Variants in TENM4 observed in about 807,000 individuals in gnomAD.
TENM4 encodes the protein teneurin-4.
Under a neutral mutation model 243.3 loss-of-function variants are expected in TENM4, and 82 were observed. The observed-to-expected ratio is 0.34, with a 90% CI of 0.28 to 0.40. The LOEUF (loss-of-function observed/expected upper bound fraction) is 0.40. Ranked by LOEUF, TENM4 falls within the 10% of genes least tolerant of loss-of-function variation. The pLI is 1.00. For synonymous variants in TENM4, 1,412 were observed against 1,456.3 expected (o/e 0.97, Z 0.69); for missense variants, 3,138 against 3,673.3 (o/e 0.85, Z 3.77).
chr11:79,224,856 C>T (rs1864232242), intron 2 of TENM4, among the ~76,000 whole-genome samples: 1 of 151,914 alleles, frequency 6.6e-6, no homozygotes, highest in Non-Finnish European at 1.5e-5. Context: ...GAGGCTGAGA[C>T]AGGAGAATCA....
rs991529187 is a variant in TENM4 at position 79,133,590 on chromosome 11, C to G, written c.-66+15120G>C. The stretch of plus-strand genomic sequence containing the variant: ...CCAATAATCTTAATGAACATAGATG[C>G]TAAAATCCTTAATAAAATACTAGCT... On this transcript the variant is annotated intron_variant, in intron 4 of 33. Coordinates refer to ENST00000278550, the MANE Select transcript of TENM4 (RefSeq NM_001098816.3). Among the ~76,000 whole-genome samples, 3 of 152,070 alleles carry G rather than the reference C, an allele frequency of 2.0e-5. No homozygotes were observed. The South Asian group carries it at 6.2e-4, about 32-fold the overall frequency.
At chr11:78,824,222 T>A (rs1857799580) in intron 12 of TENM4, among the ~76,000 whole-genome samples, 1 of 152,218 alleles carries the variant, frequency 6.6e-6, no homozygotes, top group South Asian at 2.1e-4. Context: ...CGGCTCATGG[T>A]TCTGCAGGCT....
At chr11:78,987,576 AT>A (rs1857947379) in intron 6 of TENM4, among the ~76,000 whole-genome samples, 1 of 152,270 alleles carries the variant, frequency 6.6e-6, no homozygotes, top group Non-Finnish European at 1.5e-5. Context: ...GGAAGGATAC[AT>A]TGCAAAATAT....
At chr11:78,904,382 C>T (rs1400239660) in intron 6 of TENM4, among the ~76,000 whole-genome samples, 1 of 102,194 alleles carries the variant, frequency 9.8e-6, no homozygotes, top group Non-Finnish European at 2.0e-5. Context: ...AAAAGTAAAA[C>T]ATAGAGTTTA....
At chr11:79,238,875 ATTAG>A (rs67278185) in intron 2 of TENM4, among the ~76,000 whole-genome samples, 22,023 of 152,026 alleles carry the variant, frequency 0.14, 1,565 homozygotes, top group Middle Eastern at 0.27. Flanking sequence ...AAATACAAAA[ATTAG>A]TTAGGTGTGG....
chr11:79,428,642 T>A (rs1044699330), intron 1 of TENM4, among the ~76,000 whole-genome samples: 3 of 152,112 alleles, frequency 2.0e-5, no homozygotes, highest in Non-Finnish European at 4.4e-5. Flanking sequence ...TTCCCAGCAC[T>A]CAGAAGGCAG....
At chr11:79,403,141 T>C (rs937860815) in intron 1 of TENM4, among the ~76,000 whole-genome samples, 1 of 152,182 alleles carries the variant, frequency 6.6e-6, no homozygotes, top group East Asian at 1.9e-4. Flanking sequence ...TCAAAAGATA[T>C]GGCCCTTTAG....
intron 1 of TENM4, among the ~76,000 whole-genome samples, chr11:79,388,986 G>T (rs1163232271): frequency 6.6e-6 from 1 of 152,180 alleles, no homozygotes; most frequent in Non-Finnish European, 1.5e-5. Context: ...CACAAGAAGA[G>T]CCAGGAAAAG....
At chr11:79,188,657 G>T (rs533897436) in intron 3 of TENM4, among the ~76,000 whole-genome samples, 1 of 151,574 alleles carries the variant, frequency 6.6e-6, no homozygotes, top group South Asian at 2.1e-4. Context: ...AAGCAGAAGA[G>T]AAGTGAGGAT....
chr11:79,029,866 T>C (rs1483849284), intron 6 of TENM4, among the ~76,000 whole-genome samples: 1 of 152,100 alleles, frequency 6.6e-6, no homozygotes, highest in East Asian at 1.9e-4. Context: ...TTTTGAGAAA[T>C]CCCCGGGTCC....
At chr11:79,367,568 G>T (rs563174097) in intron 1 of TENM4, among the ~76,000 whole-genome samples, 2 of 152,274 alleles carry the variant, frequency 1.3e-5, no homozygotes, top group East Asian at 3.9e-4. Flanking sequence ...TTTGTCCATA[G>T]CTACTTGTGA....
At chr11:78,985,495 C>G (rs1020198448) in intron 6 of TENM4, among the ~76,000 whole-genome samples, 1 of 152,184 alleles carries the variant, frequency 6.6e-6, no homozygotes, top group Middle Eastern at 3.4e-3. Context: ...AGTTTAAAGC[C>G]ATTTTGATAT....
intron 6 of TENM4, among the ~76,000 whole-genome samples, chr11:78,958,901 T>C (rs1197423132): frequency 6.6e-6 from 1 of 152,234 alleles, no homozygotes; most frequent in Non-Finnish European, 1.5e-5. Context: ...TGGAAGGAGA[T>C]GGGGGTGTGG....
chr11:78,893,355 C>T (rs567918004), intron 7 of TENM4, among the ~76,000 whole-genome samples: 1 of 152,368 alleles, frequency 6.6e-6, no homozygotes, highest in East Asian at 1.9e-4. Context: ...GTGACCCAAT[C>T]TCTCTAAGCA....
intron 6 of TENM4, among the ~76,000 whole-genome samples, chr11:78,982,828 A>G (rs1353041799): frequency 6.6e-6 from 1 of 152,150 alleles, no homozygotes; most frequent in African/African-American, 2.4e-5. Flanking sequence ...TGCCCTTTGG[A>G]AACTTGTTAT....
At chr11:79,345,801 C>A (rs1857316084) in intron 1 of TENM4, among the ~76,000 whole-genome samples, 1 of 152,118 alleles carries the variant, frequency 6.6e-6, no homozygotes, top group African/African-American at 2.4e-5. Flanking sequence ...AATTATCTGG[C>A]CACATCTGAG....
chr11:78,693,231 T>C (rs911834107), intron 28 of TENM4, among the ~76,000 whole-genome samples: 2 of 152,254 alleles, frequency 1.3e-5, no homozygotes, highest in African/African-American at 4.8e-5. Context: ...AATATTCATG[T>C]GGTACCTTTT....
chr11:78,735,082 G>A (rs142893320), intron 20 of TENM4, among the ~76,000 whole-genome samples: 32 of 152,256 alleles, frequency 2.1e-4, no homozygotes, highest in African/African-American at 7.0e-4. Flanking sequence ...AAAGGATTCC[G>A]CATGGAACCA....
At chr11:79,333,530 C>G (rs376523229) in intron 1 of TENM4, among the ~76,000 whole-genome samples, 6 of 152,264 alleles carry the variant, frequency 3.9e-5, no homozygotes, top group African/African-American at 1.4e-4. Context: ...TAGGAGTGAC[C>G]CATCCCTAAC....
Sources: gnomAD v4.1 joint callset for allele counts (sites outside exome capture counted in the v4.1 genomes callset) on GRCh38, gnomAD v4.1.1 for gene constraint, MANE v1.5 for transcripts, NCBI Gene and HGNC (gene_info 2026-07-23, HGNC 2026-07-21) for gene names.